GHR: variants seen among roughly 807,000 people sequenced by gnomAD.
The protein encoded by GHR is GH receptor.
Under a neutral mutation model 67.1 loss-of-function variants are expected in GHR, and 35 were observed. That is an observed-to-expected ratio of 0.52 (90% CI 0.40 to 0.69). The LOEUF (loss-of-function observed/expected upper bound fraction) is 0.69. Among genes scored for constraint, GHR ranks in the 30% least tolerant of loss-of-function variants. The pLI, the probability that GHR is intolerant of heterozygous loss-of-function variation, is 0.00. For synonymous variants in GHR, 272 were observed against 269.1 expected (o/e 1.01, Z -0.10); for missense variants, 792 against 764.6 (o/e 1.04, Z -0.42).
chr5:42,627,645 A>G (rs4355531), intron 2 of GHR, among the ~76,000 whole-genome samples: 23,284 of 152,230 alleles, frequency 0.15, 1,944 homozygotes, highest in African/African-American at 0.16. Context: ...CACTGCTCAA[A>G]CCCCTAGGGG....
intron 1 of GHR, among the ~76,000 whole-genome samples, chr5:42,453,061 T>A (rs988039820): frequency 2.0e-5 from 3 of 152,190 alleles, no homozygotes; most frequent in Non-Finnish European, 2.9e-5. Context: ...GTTTTTTTTT[T>A]AATTTCTTAT....
chr5:42,686,638 TA>T (rs1261489082), intron 3 of GHR, among the ~76,000 whole-genome samples: 3 of 152,318 alleles, frequency 2.0e-5, no homozygotes, highest in Admixed American at 6.5e-5. Flanking sequence ...CCTTTCATGC[TA>T]AAAACTCTCA....
chr5:42,507,849 T>C (rs1006289879), intron 1 of GHR, among the ~76,000 whole-genome samples: 1 of 152,164 alleles, frequency 6.6e-6, no homozygotes, highest in African/African-American at 2.4e-5. Flanking sequence ...CCCTGACCTC[T>C]CTGTCAACCT....
intron 1 of GHR, among the ~76,000 whole-genome samples, chr5:42,512,241 G>T (rs934674125): frequency 1.3e-5 from 2 of 152,098 alleles, no homozygotes; most frequent in Non-Finnish European, 2.9e-5. Context: ...TGAGAAAATG[G>T]ACTCAGGGGT....
chr5:42,580,192 A>G (rs1212152583), intron 2 of GHR, among the ~76,000 whole-genome samples: 1 of 152,188 alleles, frequency 6.6e-6, no homozygotes, highest in Non-Finnish European at 1.5e-5. Flanking sequence ...ACTATACTTA[A>G]AAAACTGTAA....
chr5:42,580,387 A>G (rs1751097051), intron 2 of GHR, among the ~76,000 whole-genome samples: 1 of 152,136 alleles, frequency 6.6e-6, no homozygotes, highest in Admixed American at 6.5e-5. Flanking sequence ...GAGGCAGACA[A>G]TAGGCTACAA....
chr5:42,650,193 G>A (rs907664030), intron 3 of GHR, among the ~76,000 whole-genome samples: 6 of 152,088 alleles, frequency 3.9e-5, no homozygotes, highest in East Asian at 1.9e-4. Context: ...TCCTTAGACC[G>A]TGATGTTGCT....
chr5:42,610,768 G>A (rs1752854471), intron 2 of GHR, among the ~76,000 whole-genome samples: 1 of 152,106 alleles, frequency 6.6e-6, no homozygotes, highest in African/African-American at 2.4e-5. Context: ...TCAGTGCAGT[G>A]CCAAGAAAGT....
At chr5:42,641,860 T>C (rs4866942) in intron 3 of GHR, among the ~76,000 whole-genome samples, 91,991 of 151,932 alleles carry the variant, frequency 0.61, 28,541 homozygotes, top group African/African-American at 0.74. Flanking sequence ...TTCCTTCCTG[T>C]CCTGCAAACC....
chr5:42,504,043 AT>A (rs918418045), intron 1 of GHR, among the ~76,000 whole-genome samples: 45 of 152,128 alleles, frequency 3.0e-4, no homozygotes, highest in Admixed American at 1.7e-3. Context: ...AATTTCTTAC[AT>A]TTTTTTTAAA....
intron 1 of GHR, among the ~76,000 whole-genome samples, chr5:42,478,529 T>A (rs1745451582): frequency 6.6e-6 from 1 of 152,198 alleles, no homozygotes; most frequent in Non-Finnish European, 1.5e-5. Flanking sequence ...TGGAATGTTC[T>A]TCCATTTGTT....
chr5:42,683,882 G>A (rs957698820), intron 3 of GHR, among the ~76,000 whole-genome samples: 3 of 151,958 alleles, frequency 2.0e-5, no homozygotes, highest in African/African-American at 7.3e-5. Context: ...TATGCATCTG[G>A]AGTTAAAAGG....
chr5:42,467,441 A>G (rs1364653338), intron 1 of GHR: 3 of 963,668 alleles, frequency 3.1e-6, no homozygotes, highest in Non-Finnish European at 5.0e-6. Flanking sequence ...CTCCCAGTAA[A>G]TGTTTTCCGA....
intron 3 of GHR, among the ~76,000 whole-genome samples, chr5:42,684,969 G>C (rs2111623527): frequency 6.6e-6 from 1 of 151,902 alleles, no homozygotes; most frequent in South Asian, 2.1e-4. Context: ...TATACTTTAA[G>C]TTCTGGGGTA....
rs145538769 is a variant in GHR at position 42,524,534 on chromosome 5, C to T, written c.-11-41330C>T. ...GCATAAAAGTTCAGAAAATTTGCAG[C>T]ATGACAATGCAGTAGAAAAGGAAAA... is the stretch of plus-strand genomic sequence containing the variant. On this transcript the variant is annotated intron_variant, in intron 1 of 9. Transcript: ENST00000230882. Among the ~76,000 whole-genome samples the T allele has an allele frequency of 2.5e-3, 388 of 152,290 alleles. 2 individuals carry two copies. Among genetic ancestry groups the T allele is most frequent in the African/African-American group, 8.8e-3 (364 of 41,540 alleles).
intron 1 of GHR, among the ~76,000 whole-genome samples, chr5:42,491,425 G>C (rs1746108552): frequency 6.6e-6 from 1 of 152,218 alleles, no homozygotes; most frequent in African/African-American, 2.4e-5. Context: ...GGGTTTCAGA[G>C]GCAGGTAGAC....
chr5:42,434,658 T>G (rs546127408), intron 1 of GHR, among the ~76,000 whole-genome samples: 1 of 152,218 alleles, frequency 6.6e-6, no homozygotes, highest in Non-Finnish European at 1.5e-5. Flanking sequence ...AACTATGGAA[T>G]AGCATGTTGT....
chr5:42,662,858 GC>G (rs1421573428), intron 3 of GHR, among the ~76,000 whole-genome samples: 2 of 152,054 alleles, frequency 1.3e-5, no homozygotes, highest in African/African-American at 4.8e-5. Context: ...TAGACCACTA[GC>G]AAGACTAATA....
intron 6 of GHR, among the ~76,000 whole-genome samples, chr5:42,703,921 CTG>C (rs1758052059): frequency 6.6e-6 from 1 of 151,782 alleles, no homozygotes; most frequent in Non-Finnish European, 1.5e-5. Context: ...ATTTGTTTAT[CTG>C]TTCTAGCAAT....
Sources: allele counts gnomAD v4.1 joint callset (sites outside exome capture counted in the v4.1 genomes callset), GRCh38; gene constraint gnomAD v4.1.1; transcripts MANE v1.5; gene names NCBI Gene and HGNC (gene_info 2026-07-23, HGNC 2026-07-21).